SORCS1: variants seen among roughly 807,000 people sequenced by gnomAD.
The protein encoded by SORCS1 is sortilin related VPS10 domain containing receptor 1.
Under a neutral mutation model 146.1 loss-of-function variants are expected in SORCS1, and 60 were observed. The observed-to-expected ratio is 0.41, with a 90% CI of 0.33 to 0.51. The LOEUF (loss-of-function observed/expected upper bound fraction) is 0.51. Ranked by LOEUF, SORCS1 falls within the 20% of genes least tolerant of loss-of-function variation. The probability of loss-of-function intolerance (pLI) is 0.21; values close to 1 mark genes in which losing one functional copy is unlikely to be tolerated. For missense variants in SORCS1, 1,352 were observed against 1,487.6 expected (o/e 0.91, Z 1.50); for synonymous variants, 637 against 584.0 (o/e 1.09, Z -1.31).
Position 107,060,612 on chromosome 10 carries a change from T to C in SORCS1, c.558+103357A>G, listed in dbSNP as rs1168828937. Among the ~76,000 whole-genome samples the C allele has an allele frequency of 6.6e-6, 1 of 152,134 alleles. No homozygotes were observed. The highest frequency in any genetic ancestry group is 1.9e-4 in the East Asian group (1 of 5,184). On this transcript the variant is annotated intron_variant, in intron 1 of 25. Transcript: ENST00000263054. The surrounding 1 kb of genome is among the most constrained non-coding windows in gnomAD (Gnocchi z 4.1). Reference sequence around the variant, plus strand: ...GTGCTCAGGAAAAGGAGCTGCCCAATCTATATCTTTGCCAACAACCCTTTT... The same window carrying C: ...GTGCTCAGGAAAAGGAGCTGCCCAACCTATATCTTTGCCAACAACCCTTTT...
chr10:106,918,928 C>T (rs1331546779), intron 2 of SORCS1, among the ~76,000 whole-genome samples: 2 of 152,048 alleles, frequency 1.3e-5, no homozygotes. Context: ...TCTTGACCTC[C>T]TGGGAGCAAG....
At chr10:106,920,345 C>A (rs185872074) in intron 2 of SORCS1, among the ~76,000 whole-genome samples, 1 of 152,210 alleles carries the variant, frequency 6.6e-6, no homozygotes, top group East Asian at 1.9e-4. Flanking sequence ...TGGATACAAA[C>A]TCTGGCAGGC....
intron 6 of SORCS1, among the ~76,000 whole-genome samples, chr10:106,723,495 T>C (rs2135956084): frequency 6.6e-6 from 1 of 152,196 alleles, no homozygotes; most frequent in East Asian, 1.9e-4. Flanking sequence ...CAGGGGCCAA[T>C]AATAAATGCC....
intron 1 of SORCS1, among the ~76,000 whole-genome samples, chr10:107,063,849 G>A (rs1961472817): frequency 6.6e-6 from 1 of 152,162 alleles, no homozygotes; most frequent in South Asian, 2.1e-4. Flanking sequence ...TATTCCCAAT[G>A]AGAAATGGAG....
At chr10:106,806,383 TA>T (rs374565477) in intron 3 of SORCS1, among the ~76,000 whole-genome samples, 10 of 62,544 alleles carry the variant, frequency 1.6e-4, no homozygotes, top group African/African-American at 4.6e-4. Flanking sequence ...TAAAATAAAA[TA>T]AAAATAAAAT....
chr10:107,027,602 T>C (rs1465504240), intron 1 of SORCS1, among the ~76,000 whole-genome samples: 1 of 152,136 alleles, frequency 6.6e-6, no homozygotes, highest in East Asian at 1.9e-4. Context: ...CCCCGAGCAG[T>C]CGTATGACAC....
chr10:107,066,437 C>A (rs1961864462), intron 1 of SORCS1, among the ~76,000 whole-genome samples: 1 of 152,138 alleles, frequency 6.6e-6, no homozygotes, highest in African/African-American at 2.4e-5. Context: ...GAAAGGAAAT[C>A]TAGAAATATT....
chr10:106,936,413 G>A (rs1026026164), intron 2 of SORCS1, among the ~76,000 whole-genome samples: 1 of 152,162 alleles, frequency 6.6e-6, no homozygotes, highest in Admixed American at 6.5e-5. Context: ...GACAATCTCA[G>A]AGCAGGCTTT....
At chr10:106,701,871 G>A (rs1350219198) in intron 8 of SORCS1, among the ~76,000 whole-genome samples, 2 of 152,208 alleles carry the variant, frequency 1.3e-5, no homozygotes, top group African/African-American at 4.8e-5. Flanking sequence ...GTTAATCAGT[G>A]TTAAGCACTC....
chr10:106,810,508 A>C (rs1226401256), intron 3 of SORCS1, among the ~76,000 whole-genome samples: 1 of 152,218 alleles, frequency 6.6e-6, no homozygotes, highest in Non-Finnish European at 1.5e-5. Flanking sequence ...TGCTGTGCTA[A>C]GGAATAAAGT....
At chr10:106,941,832 T>C (rs1954059373) in intron 2 of SORCS1, among the ~76,000 whole-genome samples, 1 of 152,244 alleles carries the variant, frequency 6.6e-6, no homozygotes, top group African/African-American at 2.4e-5. Context: ...TCACTCTGTG[T>C]TGACAATGGT....
intron 1 of SORCS1, among the ~76,000 whole-genome samples, chr10:107,130,821 C>T (rs1966859296): frequency 6.6e-6 from 1 of 151,474 alleles, no homozygotes; most frequent in Non-Finnish European, 1.5e-5. Context: ...AACCATTTTT[C>T]AATGTACAAT....
Position 106,679,638 on chromosome 10 carries a change from C to A in SORCS1, c.1657G>T (p.Ala553Ser). The change falls in exon 11 of 26, where the codon GCA becomes TCA. Residue 553 changes from alanine to serine, a missense_variant. Transcript: ENST00000263054. ...SKDTAPSIIV[A>S]SGNIGSELSD... The stretch of plus-strand genomic sequence containing the variant: ...AACCAGGTAAGCTTCTTACCTGATG[C>A]CACTATGATGCTTGGAGCTGTGTCT... 1 of 1,611,012 alleles carries A rather than the reference C, an allele frequency of 6.2e-7. No homozygotes were observed. The highest frequency in any genetic ancestry group is 1.3e-5 in the African/African-American group (1 of 74,986).
chr10:106,673,629 C>T (rs989195072), intron 14 of SORCS1, among the ~76,000 whole-genome samples: 4 of 152,164 alleles, frequency 2.6e-5, no homozygotes, highest in African/African-American at 9.7e-5. Flanking sequence ...ATCATAAATG[C>T]TGTATTCTAT....
At chr10:107,134,812 G>A (rs1287377995) in intron 1 of SORCS1, among the ~76,000 whole-genome samples, 1 of 152,162 alleles carries the variant, frequency 6.6e-6, no homozygotes, top group East Asian at 1.9e-4. Context: ...ACAATCAAAT[G>A]CATCTTTCAA....
At chr10:106,935,732 A>G (rs948604179) in intron 2 of SORCS1, among the ~76,000 whole-genome samples, 3 of 152,210 alleles carry the variant, frequency 2.0e-5, no homozygotes, top group Admixed American at 1.3e-4. Context: ...AGATCACACA[A>G]TTAGTGGCAG....
chr10:107,021,955 A>C (rs932861), intron 1 of SORCS1, among the ~76,000 whole-genome samples: 2 of 151,978 alleles, frequency 1.3e-5, no homozygotes, highest in Non-Finnish European at 2.9e-5. Flanking sequence ...TGATATTGTC[A>C]CAAACATGGA....
chr10:106,896,955 A>G (rs554959544), intron 2 of SORCS1, among the ~76,000 whole-genome samples: 4 of 148,890 alleles, frequency 2.7e-5, no homozygotes, highest in East Asian at 2.0e-4. Context: ...CAGTGGTGCA[A>G]TCTCGGCTCA....
At chr10:107,093,674 G>C (rs1275801861) in intron 1 of SORCS1, among the ~76,000 whole-genome samples, 1 of 98,620 alleles carries the variant, frequency 1.0e-5, no homozygotes, top group Admixed American at 9.6e-5. Flanking sequence ...GTGAGACTCA[G>C]TCTCAAAAAA....
Sources: allele counts gnomAD v4.1 joint callset (sites outside exome capture counted in the v4.1 genomes callset), GRCh38; gene constraint gnomAD v4.1.1; non-coding constraint Gnocchi (gnomAD v3.1); transcripts MANE v1.5; gene names NCBI Gene and HGNC (gene_info 2026-07-23, HGNC 2026-07-21).